PPP1R9A: variants seen among roughly 807,000 people sequenced by gnomAD.
PPP1R9A encodes protein phosphatase 1 regulatory subunit 9A.
PPP1R9A carries 59 observed loss-of-function variants against 141.9 expected under a neutral mutation model. That is an observed-to-expected ratio of 0.42 (90% CI 0.34 to 0.52). The LOEUF is 0.52. PPP1R9A is among the 20% of genes least tolerant of loss of function. PPP1R9A has a pLI of 0.10. For missense variants in PPP1R9A, 1,444 were observed against 1,611.9 expected, an observed-to-expected ratio of 0.90 and a Z score of 1.78; for synonymous variants, 500 against 569.7, an observed-to-expected ratio of 0.88 and a Z score of 1.74.
At chr7:94,990,453 G>C (rs1801369487) in intron 2 of PPP1R9A, among the ~76,000 whole-genome samples, 5 of 151,922 alleles carry the variant, frequency 3.3e-5, no homozygotes, top group Admixed American at 3.3e-4. Context: ...TTTTAAAACT[G>C]ACACGTAATA....
intron 7 of PPP1R9A, among the ~76,000 whole-genome samples, chr7:95,210,551 C>T (rs549807858): frequency 1.8e-3 from 266 of 151,978 alleles, no homozygotes; most frequent in African/African-American, 6.0e-3. Flanking sequence ...CTGCAACCTC[C>T]GCCTCCCCGG....
intron 14 of PPP1R9A, among the ~76,000 whole-genome samples, chr7:95,271,058 A>G (rs761488812): frequency 6.6e-6 from 1 of 152,138 alleles, no homozygotes; most frequent in Non-Finnish European, 1.5e-5. Flanking sequence ...GTAGGTAAGG[A>G]GGGAATAGCG....
intron 2 of PPP1R9A, among the ~76,000 whole-genome samples, chr7:95,017,757 G>A (rs978036953): frequency 2.0e-5 from 3 of 152,158 alleles, no homozygotes; most frequent in Admixed American, 1.3e-4. Context: ...AATTATACAC[G>A]ATAGAGAATC....
intron 3 of PPP1R9A, among the ~76,000 whole-genome samples, chr7:95,112,488 A>C (rs1445664567): frequency 1.3e-5 from 2 of 152,218 alleles, no homozygotes; most frequent in African/African-American, 4.8e-5. Context: ...CAATCTCTGG[A>C]AAACAGTGTG....
intron 2 of PPP1R9A, among the ~76,000 whole-genome samples, chr7:94,928,524 A>G (rs17166536): frequency 0.023 from 3,451 of 152,248 alleles, 124 homozygotes; most frequent in East Asian, 0.12. Context: ...TTCTGGATTA[A>G]CTGATGTCTT....
intron 12 of PPP1R9A, among the ~76,000 whole-genome samples, chr7:95,260,206 T>G (rs1017045329): frequency 4.6e-5 from 7 of 152,210 alleles, no homozygotes; most frequent in Admixed American, 3.3e-4. Context: ...TTTGTGCAAG[T>G]TTTGAATCTG....
intron 14 of PPP1R9A, among the ~76,000 whole-genome samples, chr7:95,270,481 A>G (rs1485810761): frequency 1.3e-5 from 2 of 152,132 alleles, no homozygotes; most frequent in Non-Finnish European, 2.9e-5. Context: ...TCTGAGGGAC[A>G]TCAGTGGAAA....
In PPP1R9A at chr7:95,198,424, G is replaced by C. The variant is rs1245606100; in HGVS notation, c.1830G>C (p.Glu610Asp). The change falls in exon 6 of 20, where the codon GAG becomes GAC. Residue 610 changes from glutamate (E) to aspartate (D), a missense_variant. Transcript: ENST00000433360. Reference sequence around the variant, plus strand: ...TGATAAGCCAGACACTGGAACAGGAGAGGCGCCAGAGAGAGCTGCTGGAAC... The same window carrying C: ...TGATAAGCCAGACACTGGAACAGGACAGGCGCCAGAGAGAGCTGCTGGAAC... The part of the protein sequence containing the change: ...AQLISQTLEQ[E>D]RRQRELLEQH... 6.2e-7 allele frequency: 1 copy of C among 1,613,444 alleles called. No homozygotes were observed. The highest frequency in any genetic ancestry group is 2.2e-5 in the East Asian group (1 of 44,844).
intron 4 of PPP1R9A, among the ~76,000 whole-genome samples, chr7:95,147,146 T>A (rs1241599556): frequency 1.3e-5 from 2 of 152,192 alleles, no homozygotes; most frequent in African/African-American, 4.8e-5. Context: ...GTTTTTCCAT[T>A]TGTTTGTGTC....
chr7:95,149,513 A>T (rs941059327), intron 4 of PPP1R9A, among the ~76,000 whole-genome samples: 3 of 152,082 alleles, frequency 2.0e-5, no homozygotes, highest in African/African-American at 7.2e-5. Context: ...ATTGATAAGC[A>T]ATTATAGCAA....
At chr7:95,026,184 A>C (rs1806807723) in intron 2 of PPP1R9A, among the ~76,000 whole-genome samples, 2 of 152,136 alleles carry the variant, frequency 1.3e-5, no homozygotes, top group Non-Finnish European at 1.5e-5. Flanking sequence ...CAGCCTTTTC[A>C]TGCTGGTTTC....
intron 2 of PPP1R9A, chr7:95,108,889 T>C (rs934250410): frequency 6.6e-6 from 1 of 152,234 alleles, no homozygotes; most frequent in Non-Finnish European, 1.5e-5. Context: ...AATTGAGTGA[T>C]GTTCCAGAAT....
At chr7:94,995,067 A>C (rs10265556) in intron 2 of PPP1R9A, among the ~76,000 whole-genome samples, 1 of 152,042 alleles carries the variant, frequency 6.6e-6, no homozygotes, top group Non-Finnish European at 1.5e-5. Context: ...TCTGAAAAAA[A>C]GTATTTTTCT....
intron 2 of PPP1R9A, among the ~76,000 whole-genome samples, chr7:94,915,578 G>C (rs1791971629): frequency 6.6e-6 from 1 of 152,168 alleles, no homozygotes; most frequent in South Asian, 2.1e-4. Flanking sequence ...TAAAATGCTT[G>C]AATCACATGA....
intron 2 of PPP1R9A, among the ~76,000 whole-genome samples, chr7:95,056,270 G>T (rs914302228): frequency 6.6e-6 from 1 of 151,986 alleles, no homozygotes; most frequent in Admixed American, 6.6e-5. Flanking sequence ...AATGACAAAA[G>T]TTCAGTGAAT....
At chr7:95,254,021 C>T (rs1799249684) in intron 12 of PPP1R9A, among the ~76,000 whole-genome samples, 1 of 152,064 alleles carries the variant, frequency 6.6e-6, no homozygotes, top group Non-Finnish European at 1.5e-5. Flanking sequence ...ACACACTATA[C>T]TATTAACATG....
At chr7:95,174,949 C>T (rs1463528415) in intron 5 of PPP1R9A, 2 of 152,096 alleles carry the variant, frequency 1.3e-5, no homozygotes, top group Non-Finnish European at 2.9e-5. Context: ...TTTATTACCT[C>T]ATGGTTTCTG....
intron 9 of PPP1R9A, 139 bp from the exon 10 acceptor site, chr7:95,249,887 A>G (rs1376767124): frequency 8.3e-7 from 1 of 1,209,676 alleles, no homozygotes; most frequent in African/African-American, 1.5e-5. Flanking sequence ...TATAAAAATA[A>G]TACCTGCTTT....
chr7:95,270,951 AAGAG>A (rs748453877), intron 14 of PPP1R9A, among the ~76,000 whole-genome samples: 1 of 152,120 alleles, frequency 6.6e-6, no homozygotes. Context: ...CAACGCTCAG[AAGAG>A]AGAGAGATTG....
Sources: allele counts gnomAD v4.1 joint callset (sites outside exome capture counted in the v4.1 genomes callset), GRCh38; gene constraint gnomAD v4.1.1; transcripts MANE v1.5; gene names NCBI Gene and HGNC (gene_info 2026-07-23, HGNC 2026-07-21).